Variants in CFAP65 observed in about 807,000 individuals in gnomAD.
CFAP65 encodes the protein cilia- and flagella-associated protein 65.
In CFAP65, 155 loss-of-function variants were observed where a neutral mutation model predicts 208.0. The observed-to-expected ratio is 0.75, with a 90% CI of 0.65 to 0.85. CFAP65 has a LOEUF of 0.85. Among genes scored for constraint, CFAP65 ranks in the 40% least tolerant of loss-of-function variants. CFAP65 has a pLI of 0.00. For synonymous variants in CFAP65, 970 were observed against 986.3 expected (o/e 0.98, Z 0.31); for missense variants, 2,294 against 2,451.3 (o/e 0.94, Z 1.36).
At chr2:219,027,319 G>A in intron 13 of CFAP65, 1 of 1,436,702 alleles carries the variant, frequency 7.0e-7, no homozygotes, top group Non-Finnish European at 9.1e-7. Flanking sequence ...CTTAATTCAA[G>A]GACTAGTAGA....
chr2:219,003,921 C>T lies in CFAP65; in HGVS notation c.5555+31G>A, dbSNP rs766226357. 4 of 1,591,868 alleles carry T rather than the reference C, an allele frequency of 2.5e-6. No homozygotes were observed. In the Admixed American group the frequency reaches 6.8e-5, roughly 27 times the overall value. ...TAGGAACCTTCTGCACTTCGCCTCC[C>T]TCCCGTCCTCACTGGGGCCTGGCTG... On this transcript the variant is annotated intron_variant, in intron 33 of 34. Coordinates refer to ENST00000341552, the MANE Select transcript of CFAP65 (RefSeq NM_194302.4). The surrounding 1 kb of genome is among the most constrained non-coding windows in gnomAD (Gnocchi z 4.4).
chr2:219,030,564 T>G, intron 9 of CFAP65, 125 bp downstream of exon 9: 3 of 1,278,828 alleles, frequency 2.3e-6, no homozygotes, highest in Non-Finnish European at 3.3e-6. Flanking sequence ...ACAGCTGACA[T>G]GGGTTACATG....
At position 219,006,555 on chromosome 2, in the gene CFAP65, C is replaced by G. The variant is rs201905252; in HGVS notation, c.4675-46G>C. 15 of 1,596,300 alleles carry G rather than the reference C, an allele frequency of 9.4e-6. No homozygotes were observed. In the African/African-American group the frequency reaches 2.0e-4, roughly 21 times the overall value. ...TTGCTTAAGATACAAGAGGCCCGGC[C>G]GGGGGTGGTGCTTCATGCCTGTAAT... is the stretch of plus-strand genomic sequence containing the variant. On this transcript the variant is annotated intron_variant, in intron 29 of 34. Coordinates refer to ENST00000341552, the MANE Select transcript of CFAP65 (RefSeq NM_194302.4).
At position 219,038,457 on chromosome 2, in the gene CFAP65, C is replaced by T; in HGVS notation, c.275G>A (p.Cys92Tyr). The change falls in exon 4 of 35, where the codon TGC (cysteine) becomes TAC (tyrosine). Residue 92 changes from cysteine (C) to tyrosine (Y), a missense_variant. Cys to Tyr is a radical substitution (Grantham distance 194). Coordinates refer to ENST00000341552, the MANE Select transcript of CFAP65 (RefSeq NM_194302.4). ...RNHTVNSGGS[C>Y]LSASTVAIPA... ...GATGGCCACTGTGCTGGCACTCAGG[C>T]AGGATCCACCAGAGTTCACGGTGTG... 1.2e-6 allele frequency: 2 copies of T among 1,614,078 alleles called. No individual in the cohort carries two copies. The highest frequency in any genetic ancestry group is 8.5e-7 in the Non-Finnish European group (1 of 1,180,034).
At chr2:219,009,775 A>G (rs1388232889) in intron 27 of CFAP65, among the ~76,000 whole-genome samples, 167 bp downstream of exon 27, 4 of 42,146 alleles carry the variant, frequency 9.5e-5, no homozygotes, top group Admixed American at 2.7e-4. Context: ...ATGGGATGGG[A>G]TGGAGTGGGG....
In CFAP65 at chr2:219,019,173, G is replaced by T. The variant is rs1460750418; in HGVS notation, c.3480C>A (p.Ser1160Arg). Residue 1160 changes from serine (S) to arginine (R), a missense_variant, in exon 21 of 35, where the codon AGC (serine) becomes AGA (arginine). Physicochemically the swap from Ser to Arg is moderately radical, Grantham distance 110 (BLOSUM62 -1). This residue lies in a region of CFAP65 where 1,427 missense variants were observed against 1,438.7 expected (regional missense o/e 0.99). Coordinates refer to ENST00000341552, the MANE Select transcript of CFAP65 (RefSeq NM_194302.4). ...AAGGGGTGAGGACGGGGGGGATCTG[G>T]CTCATGCTGTGAGGAACAGAGAAAG... is the stretch of plus-strand genomic sequence containing the variant. The part of the protein sequence containing the change: ...TYKVPTRHSM[S>R]QIPPVLTPLR... 3 of 1,612,418 alleles carry T rather than the reference G, an allele frequency of 1.9e-6. No individual in the cohort carries two copies. Among genetic ancestry groups the T allele is most frequent in the Non-Finnish European group, 2.5e-6 (3 of 1,178,954 alleles).
At chr2:219,020,050 T>G (rs1377644716) in intron 19 of CFAP65, among the ~76,000 whole-genome samples, 1 of 152,044 alleles carries the variant, frequency 6.6e-6, no homozygotes, top group African/African-American at 2.4e-5. Context: ...CAATTCAGTT[T>G]TTTTTTTTTT....
At chr2:219,029,922 C>T (rs907166998) in intron 10 of CFAP65, 64 bp downstream of exon 10, 1 of 1,492,988 alleles carries the variant, frequency 6.7e-7, no homozygotes, top group Non-Finnish European at 9.2e-7. Context: ...AGGGAAGGAG[C>T]TCTTCAGAAT....
chr2:219,030,729 C>G lies in CFAP65; in HGVS notation c.1121G>C (p.Cys374Ser), dbSNP rs773319209. The G allele has an allele frequency of 1.3e-5, 21 of 1,614,070 alleles. No homozygotes were observed. In the South Asian group the frequency reaches 2.2e-4, roughly 17 times the overall value. Residue 374 changes from cysteine (C) to serine (S), a missense_variant, in exon 9 of 35, where the codon TGC becomes TCC. Coordinates refer to ENST00000341552, the MANE Select transcript of CFAP65 (RefSeq NM_194302.4). Reference protein sequence around the residue: ...LLYFGSVAVGCTSERQIRLHN... With the variant: ...LLYFGSVAVGSTSERQIRLHN... ...TAGCCTGATCTGCCTCTCCGAGGTG[C>G]AGCCCACAGCAACAGAGCCAAAGTA...
intron 18 of CFAP65, 66 bp from the exon 19 acceptor site, chr2:219,021,346 G>A: frequency 6.8e-7 from 1 of 1,467,988 alleles, no homozygotes; most frequent in East Asian, 2.5e-5. Flanking sequence ...CTGCTCCTTT[G>A]TAGATACCCT....
chr2:219,028,058 C>T (rs1370204322), intron 12 of CFAP65, 49 bp from the exon 13 acceptor site: 2 of 1,522,338 alleles, frequency 1.3e-6, no homozygotes, highest in South Asian at 1.3e-5. Flanking sequence ...ATTCCTCTTG[C>T]TGTTGCCCCT....
Position 219,003,083 on chromosome 2 carries a change from C to G in CFAP65, c.5693+52G>C. On this transcript the variant is annotated intron_variant, in intron 34 of 34. Transcript: ENST00000341552. This position sits in a 1 kb window ranked among gnomAD's most constrained non-coding sequence, Gnocchi z 4.4. ...AGGCTTCGGGCAGAGCCTGGCTGCC[C>G]CCGTGGCCCCTCTCGCGCGGTCTGC... 1 of 1,546,604 alleles carries G rather than the reference C, an allele frequency of 6.5e-7. No individual in the cohort carries two copies. Among genetic ancestry groups the G allele is most frequent in the Non-Finnish European group, 8.7e-7 (1 of 1,143,804 alleles).
At position 219,027,990 on chromosome 2, in the gene CFAP65, G is replaced by C. The variant is rs780127864; in HGVS notation, c.1871C>G (p.Ala624Gly). The C allele has an allele frequency of 1.8e-5, 28 of 1,517,646 alleles. No individual in the cohort carries two copies. The highest frequency in any genetic ancestry group is 2.5e-5 in the Non-Finnish European group (28 of 1,134,714). 94.0% of individuals were successfully genotyped at this position (1,517,646 alleles called of 1,614,324 possible). The change falls in exon 13 of 35, where the codon GCC (alanine) becomes GGC (glycine). Residue 624 changes from alanine (A) to glycine (G), a missense_variant. This residue lies in a region of CFAP65 where 867 missense variants were observed against 1,012.6 expected (regional missense o/e 0.86). Transcript: ENST00000341552. Reference sequence around the variant, plus strand: ...GGGGGGGATATAAGGGTACTGCGGGGCCGGCATGTCCTCCAGATCCTGCAT... The same window carrying C: ...GGGGGGGATATAAGGGTACTGCGGGCCCGGCATGTCCTCCAGATCCTGCAT... ...IPIQDLEDMP[A>G]PQYPYIPPMT...
At chr2:219,035,291 C>T in intron 5 of CFAP65, 189 bp downstream of exon 5, 2 of 1,497,208 alleles carry the variant, frequency 1.3e-6, no homozygotes, top group Non-Finnish European at 1.8e-6. Context: ...CACATTGGGA[C>T]ACTATACCAC....
At chr2:219,005,137 C>A (rs58126259) in intron 32 of CFAP65, among the ~76,000 whole-genome samples, 2,960 of 152,102 alleles carry the variant, frequency 0.019, 96 homozygotes, top group African/African-American at 0.067. Context: ...GCAATCCTCG[C>A]ACCTCAGCCT....
At chr2:219,010,462 G>C in intron 26 of CFAP65, 84 bp downstream of exon 26, 1 of 1,429,820 alleles carries the variant, frequency 7.0e-7, no homozygotes, top group Non-Finnish European at 9.5e-7. Context: ...GTCCCTCCCA[G>C]CCTCCCCATC....
chr2:219,035,815 C>T, intron 4 of CFAP65, 151 bp from the exon 5 acceptor site: 1 of 1,411,890 alleles, frequency 7.1e-7, no homozygotes, highest in Non-Finnish European at 9.3e-7. Context: ...ACCCCTCACC[C>T]CTTGGGGATG....
chr2:219,038,938 C>CGCA lies in CFAP65; in HGVS notation c.110_111insTGC (p.Lys37delinsAsnAla). On this transcript the variant is annotated protein_altering_variant, in exon 3 of 35. Coordinates refer to ENST00000341552, the MANE Select transcript of CFAP65 (RefSeq NM_194302.4). Reference sequence around the variant, plus strand: ...TCTCTGCTTGTTTCTTCTGAACACTCTTGCCTCTTAGGAGAAGAGGAATAA... The same window carrying CGCA: ...TCTCTGCTTGTTTCTTCTGAACACTCGCATTGCCTCTTAGGAGAAGAGGAATAA... 1 of 1,613,562 alleles carries CGCA rather than the reference C, an allele frequency of 6.2e-7. No homozygotes were observed. Among genetic ancestry groups the CGCA allele is most frequent in the South Asian group, 1.1e-5 (1 of 90,962 alleles).
intron 13 of CFAP65, 69 bp downstream of exon 13, chr2:219,027,581 C>T: frequency 6.2e-7 from 1 of 1,613,142 alleles, no homozygotes; most frequent in Non-Finnish European, 8.5e-7. Flanking sequence ...TCACTTCCTG[C>T]CACCCCACCA....
Sources: allele counts gnomAD v4.1 joint callset (sites outside exome capture counted in the v4.1 genomes callset), GRCh38; gene constraint gnomAD v4.1.1; regional missense constraint gnomAD v4.1.1; non-coding constraint Gnocchi (gnomAD v3.1); transcripts MANE v1.5; gene names NCBI Gene and HGNC (gene_info 2026-07-23, HGNC 2026-07-21).